GPATCH2: variants seen among roughly 807,000 people sequenced by gnomAD.
The protein encoded by GPATCH2 is G-patch domain containing 2.
A neutral mutation model predicts 58.0 loss-of-function variants in GPATCH2; 51 were observed. That is an observed-to-expected ratio of 0.88 (90% CI 0.70 to 1.11). GPATCH2 has a LOEUF of 1.11. Ranked by LOEUF, GPATCH2 falls within the 50% of genes most tolerant of loss-of-function variation. GPATCH2 has a pLI of 0.00. For synonymous variants in GPATCH2, 222 were observed against 218.5 expected, an observed-to-expected ratio of 1.02 and a Z score of -0.14; for missense variants, 625 against 652.2, an observed-to-expected ratio of 0.96 and a Z score of 0.45.
chr1:217,439,818 G>GTC (rs1282762901), intron 9 of GPATCH2, among the ~76,000 whole-genome samples: 1 of 152,158 alleles, frequency 6.6e-6, no homozygotes, highest in African/African-American at 2.4e-5. Flanking sequence ...AAAGCAGGAA[G>GTC]AAGTCGAATC....
At chr1:217,476,235 A>AGTGGGTGTGTGTGT (rs1660962118) in intron 8 of GPATCH2, among the ~76,000 whole-genome samples, 1 of 146,286 alleles carries the variant, frequency 6.8e-6, no homozygotes, top group East Asian at 2.0e-4. Context: ...TCCAGATATG[A>AGTGGGTGTGTGTGT]GTGTGTGTGT....
At chr1:217,526,229 G>A (rs1663899402) in intron 5 of GPATCH2, among the ~76,000 whole-genome samples, 1 of 152,082 alleles carries the variant, frequency 6.6e-6, no homozygotes, top group Non-Finnish European at 1.5e-5. Context: ...CTTTTAAACT[G>A]ACAACTTAAT....
intron 8 of GPATCH2, among the ~76,000 whole-genome samples, chr1:217,459,065 C>T (rs1245764244): frequency 1.3e-5 from 2 of 152,168 alleles, no homozygotes. Context: ...ACCACCATAA[C>T]TATCATTGTC....
chr1:217,603,669 C>CTGGA (rs1668215941), intron 5 of GPATCH2, among the ~76,000 whole-genome samples: 1 of 152,108 alleles, frequency 6.6e-6, no homozygotes, highest in African/African-American at 2.4e-5. Context: ...GTTGCCCAGA[C>CTGGA]TGGAGTCCAG....
chr1:217,568,385 A>G (rs1666363819), intron 5 of GPATCH2, among the ~76,000 whole-genome samples: 1 of 152,226 alleles, frequency 6.6e-6, no homozygotes, highest in Admixed American at 6.5e-5. Flanking sequence ...AGCTATAAAC[A>G]AAATAGATAA....
chr1:217,438,897 A>T (rs1220038973), intron 9 of GPATCH2, among the ~76,000 whole-genome samples: 1 of 152,264 alleles, frequency 6.6e-6, no homozygotes, highest in East Asian at 1.9e-4. Flanking sequence ...CTACAAAGAG[A>T]CTTAGACTTC....
At chr1:217,534,001 A>G (rs1664336277) in intron 5 of GPATCH2, among the ~76,000 whole-genome samples, 1 of 152,152 alleles carries the variant, frequency 6.6e-6, no homozygotes, top group African/African-American at 2.4e-5. Flanking sequence ...AGATCACCTG[A>G]GGTCAAGAGT....
intron 5 of GPATCH2, among the ~76,000 whole-genome samples, chr1:217,565,581 T>TAGG (rs1165342688): frequency 6.6e-6 from 1 of 152,220 alleles, no homozygotes; most frequent in Non-Finnish European, 1.5e-5. Flanking sequence ...GATTCATTGC[T>TAGG]ACATGGTTAC....
intron 5 of GPATCH2, among the ~76,000 whole-genome samples, chr1:217,569,816 G>T (rs1205973975): frequency 2.0e-5 from 3 of 152,092 alleles, no homozygotes; most frequent in Non-Finnish European, 4.4e-5. Flanking sequence ...ATACCACAAG[G>T]AAGACAAGAG....
chr1:217,533,439 G>A (rs140988787), intron 5 of GPATCH2, among the ~76,000 whole-genome samples: 24 of 152,224 alleles, frequency 1.6e-4, no homozygotes, highest in African/African-American at 4.8e-4. Flanking sequence ...ATATCTTAGC[G>A]TTATGAAAAC....
intron 2 of GPATCH2, among the ~76,000 whole-genome samples, chr1:217,619,122 G>A (rs1354304945): frequency 6.6e-6 from 1 of 152,122 alleles, no homozygotes; most frequent in Non-Finnish European, 1.5e-5. Flanking sequence ...TTTCTTGCAA[G>A]TAGCATCACT....
In GPATCH2 at chr1:217,610,338, C is replaced by T. The variant is rs1668564829; in HGVS notation, c.1081G>A (p.Gly361Arg). 1 of 1,594,264 alleles carries T rather than the reference C, an allele frequency of 6.3e-7. No homozygotes were observed. Among genetic ancestry groups the T allele is most frequent in the Non-Finnish European group, 8.6e-7 (1 of 1,162,764 alleles). Reference protein sequence around the residue: ...MSSKNIKKSGGTPTSMVPIPG... With the variant: ...MSSKNIKKSGRTPTSMVPIPG... Reference sequence around the variant, plus strand: ...ATGCCTACCATTGAAGTTGGAGTCCCTCCAGATTTTTTAATATTCTTTGAA... The same window carrying T: ...ATGCCTACCATTGAAGTTGGAGTCCTTCCAGATTTTTTAATATTCTTTGAA... The change falls in exon 5 of 10, where the codon GGG (glycine) becomes AGG (arginine). Residue 361 changes from glycine to arginine, a missense_variant. By Grantham distance (125) the Gly-to-Arg change is moderately radical. Coordinates refer to ENST00000366935, the MANE Select transcript of GPATCH2 (RefSeq NM_018040.5).
chr1:217,471,592 T>G (rs568253683), intron 8 of GPATCH2, among the ~76,000 whole-genome samples: 81 of 152,318 alleles, frequency 5.3e-4, no homozygotes, highest in African/African-American at 1.9e-3. Flanking sequence ...ATCTGTATCA[T>G]ATAAAAACAA....
chr1:217,489,786 C>T (rs1374487886), intron 8 of GPATCH2, among the ~76,000 whole-genome samples: 2 of 152,196 alleles, frequency 1.3e-5, no homozygotes, highest in Non-Finnish European at 2.9e-5. Flanking sequence ...TGCTTGAACC[C>T]GAGAGGCGGA....
chr1:217,477,647 A>C (rs1482188460), intron 8 of GPATCH2, among the ~76,000 whole-genome samples: 1 of 152,126 alleles, frequency 6.6e-6, no homozygotes, highest in African/African-American at 2.4e-5. Context: ...CCTTTGGAAA[A>C]GGAAAGAGTG....
chr1:217,624,708 T>C (rs1438338037), intron 1 of GPATCH2, among the ~76,000 whole-genome samples: 2 of 152,268 alleles, frequency 1.3e-5, no homozygotes, highest in African/African-American at 4.8e-5. Flanking sequence ...CACTTTTCTA[T>C]ACAAATCTGT....
At chr1:217,445,833 T>C (rs1330390800) in intron 9 of GPATCH2, among the ~76,000 whole-genome samples, 1 of 152,106 alleles carries the variant, frequency 6.6e-6, no homozygotes, top group Non-Finnish European at 1.5e-5. Flanking sequence ...AAATTATGCT[T>C]CAAAGCTATT....
chr1:217,620,603 T>A, intron 1 of GPATCH2, 104 bp from the exon 2 acceptor site: 1 of 691,230 alleles, frequency 1.4e-6, no homozygotes, highest in Non-Finnish European at 2.5e-6. Flanking sequence ...AAATTAATGA[T>A]TACAAAATGT....
intron 5 of GPATCH2, among the ~76,000 whole-genome samples, chr1:217,534,647 C>T (rs530525835): frequency 2.2e-4 from 33 of 152,148 alleles, no homozygotes; most frequent in Admixed American, 5.9e-4. Context: ...TCTGCACTCA[C>T]CACCACCCGG....
Sources: allele counts gnomAD v4.1 joint callset (sites outside exome capture counted in the v4.1 genomes callset), GRCh38; gene constraint gnomAD v4.1.1; transcripts MANE v1.5; gene names NCBI Gene and HGNC (gene_info 2026-07-23, HGNC 2026-07-21).